The following CDH11 variants were observed in gnomAD, a reference collection of about 807,000 sequenced individuals.
CDH11 encodes the protein cadherin-11.
Under a neutral mutation model 67.8 loss-of-function variants are expected in CDH11, and 11 were observed. The observed-to-expected ratio is 0.16, with a 90% CI of 0.10 to 0.27. The LOEUF (loss-of-function observed/expected upper bound fraction) is 0.27, where lower values mean the gene tolerates loss of function less well. Among genes scored for constraint, CDH11 ranks in the 10% least tolerant of loss-of-function variants. CDH11 has a pLI of 1.00. For synonymous variants in CDH11, 419 were observed against 400.0 expected (o/e 1.05, Z -0.57); for missense variants, 847 against 1,031.2 (o/e 0.82, Z 2.45).
At chr16:65,093,586 T>C (rs2074832156) in intron 1 of CDH11, among the ~76,000 whole-genome samples, 1 of 152,140 alleles carries the variant, frequency 6.6e-6, no homozygotes, top group Non-Finnish European at 1.5e-5. Context: ...CTTCAAACCA[T>C]AGCAGTGTGT....
At chr16:65,036,262 TG>T (rs1450994231) in intron 2 of CDH11, among the ~76,000 whole-genome samples, 1 of 152,168 alleles carries the variant, frequency 6.6e-6, no homozygotes, top group African/African-American at 2.4e-5. Flanking sequence ...GCATGATTAG[TG>T]TAGCCTCTTC....
Position 64,945,855 on chromosome 16 carries a change from G to T in CDH11, c.*1748C>A. ...TTCACAATAAAGTCAGAAAAAAACTGTAAAAATTGTCTGCAATCCAAGAAA... is the reference window on the plus strand; with the variant it reads ...TTCACAATAAAGTCAGAAAAAAACTTTAAAAATTGTCTGCAATCCAAGAAA... On this transcript the variant is annotated 3_prime_UTR_variant, in exon 13 of 13. Transcript: ENST00000268603. The T allele has an allele frequency of 9.5e-7, 1 of 1,054,000 alleles. No homozygotes were observed. The highest frequency in any genetic ancestry group is 4.6e-5 in the South Asian group (1 of 21,886). The allele number at this position is 1,054,000 out of a possible 1,614,324, so 65.3% of individuals were successfully genotyped here. A position where few individuals can be genotyped will look rare whatever the true frequency, so the allele number is the denominator to read the frequency against.
intron 2 of CDH11, among the ~76,000 whole-genome samples, chr16:65,025,432 TC>T (rs1304829491): frequency 1.3e-5 from 2 of 152,148 alleles, no homozygotes; most frequent in Admixed American, 6.5e-5. Flanking sequence ...CTGCTCCGCC[TC>T]CCGGGTTCAA....
rs2073215171 is a variant in CDH11 at position 65,013,068 on chromosome 16, G to A, written c.-172-8027C>T. 2.0e-5 allele frequency among the ~76,000 whole-genome samples: 3 copies of A among 152,300 alleles called. No homozygotes were observed. The South Asian group carries it at 6.2e-4, about 32-fold the overall frequency. On this transcript the variant is annotated intron_variant, in intron 2 of 12. Transcript: ENST00000268603. Reference sequence around the variant, plus strand: ...AAATAGCCTATAAATGGTCTCCCATGCATATCTGCAGGGGCTTGTGAGTCT... The same window carrying A: ...AAATAGCCTATAAATGGTCTCCCATACATATCTGCAGGGGCTTGTGAGTCT...
intron 2 of CDH11, among the ~76,000 whole-genome samples, chr16:65,016,858 G>A (rs1313091654): frequency 6.6e-6 from 1 of 152,136 alleles, no homozygotes; most frequent in African/African-American, 2.4e-5. Flanking sequence ...CTAAACAAAG[G>A]GGGTATCATT....
rs2074610807 is a variant in CDH11 at position 65,081,551 on chromosome 16, T to A, written c.-297-27623A>T. Among the ~76,000 whole-genome samples, 10 of 147,634 alleles carry A rather than the reference T, an allele frequency of 6.8e-5. No homozygotes were observed. In the Admixed American group the frequency reaches 6.8e-4, roughly 10 times the overall value. On this transcript the variant is annotated intron_variant, in intron 1 of 12. Transcript: ENST00000268603. ...GCCACTGCACTCCAGCCTGGGTGAC[T>A]GAACGAGACTCTGTCTCAAAAAAAA...
intron 3 of CDH11, among the ~76,000 whole-genome samples, chr16:64,999,337 A>G (rs2072856656): frequency 6.7e-6 from 1 of 150,362 alleles, no homozygotes; most frequent in African/African-American, 2.5e-5. Flanking sequence ...TATTCTATGC[A>G]TATGCAAGGA....
chr16:64,948,845 A>G (rs750810816), intron 12 of CDH11: 23 of 1,179,996 alleles, frequency 1.9e-5, no homozygotes, highest in Non-Finnish European at 2.7e-5. Flanking sequence ...TTAATTCTTC[A>G]TTGATTCCCT....
chr16:65,074,138 GA>G, intron 1 of CDH11, among the ~76,000 whole-genome samples: 1 of 152,222 alleles, frequency 6.6e-6, no homozygotes, highest in African/African-American at 2.4e-5. Context: ...GCCCTTTGGG[GA>G]GTTCATTTAA....
At chr16:65,067,311 A>G (rs1045415113) in intron 1 of CDH11, among the ~76,000 whole-genome samples, 1 of 152,224 alleles carries the variant, frequency 6.6e-6, no homozygotes, top group Non-Finnish European at 1.5e-5. Flanking sequence ...GCATACAACC[A>G]CAGACAGATG....
intron 1 of CDH11, among the ~76,000 whole-genome samples, chr16:65,075,562 AT>A (rs2142781711): frequency 6.6e-6 from 1 of 152,288 alleles, no homozygotes; most frequent in African/African-American, 2.4e-5. Flanking sequence ...TCTAAGCAGG[AT>A]TTATGATGAT....
intron 11 of CDH11, among the ~76,000 whole-genome samples, chr16:64,959,952 T>G (rs527673330): frequency 6.6e-6 from 1 of 152,352 alleles, no homozygotes; most frequent in South Asian, 2.1e-4. Context: ...CACGCAAACA[T>G]TTTGTTGTTT....
chr16:65,098,664 C>T (rs546586887), intron 1 of CDH11, among the ~76,000 whole-genome samples: 5 of 152,202 alleles, frequency 3.3e-5, no homozygotes, highest in African/African-American at 1.2e-4. Flanking sequence ...CCATGCCCTG[C>T]CTCTGTCTTC....
At chr16:65,023,566 C>T (rs1352908867) in intron 2 of CDH11, among the ~76,000 whole-genome samples, 1 of 152,156 alleles carries the variant, frequency 6.6e-6, no homozygotes, top group African/African-American at 2.4e-5. Context: ...ACTCCATAGG[C>T]AGAGCAGTGG....
At chr16:65,078,295 C>T (rs16968423) in intron 1 of CDH11, among the ~76,000 whole-genome samples, 2,928 of 152,204 alleles carry the variant, frequency 0.019, 107 homozygotes, top group African/African-American at 0.068. Flanking sequence ...CAAATCCCTG[C>T]TAGTGAATGA....
chr16:64,975,738 T>C (rs1289663195), intron 8 of CDH11, among the ~76,000 whole-genome samples: 3 of 152,182 alleles, frequency 2.0e-5, no homozygotes, highest in Admixed American at 1.3e-4. Flanking sequence ...TTTTATAAAG[T>C]TGATTTTCCT....
chr16:65,071,943 C>T (rs1301217352), intron 1 of CDH11: 1 of 152,264 alleles, frequency 6.6e-6, no homozygotes, highest in Non-Finnish European at 1.5e-5. Context: ...GATCTATGCG[C>T]CACCGTTCCC....
intron 2 of CDH11, 53 bp downstream of exon 2, chr16:65,053,751 T>A (rs1842895032): frequency 4.4e-6 from 2 of 450,056 alleles, no homozygotes; most frequent in Non-Finnish European, 9.0e-6. Flanking sequence ...ATACTTTCCA[T>A]CTTGACATAC....
At chr16:65,049,564 T>A (rs949927316) in intron 2 of CDH11, among the ~76,000 whole-genome samples, 1 of 152,124 alleles carries the variant, frequency 6.6e-6, no homozygotes, top group African/African-American at 2.4e-5. Context: ...TCAGAAAATA[T>A]CAATGTCATT....
Sources: allele counts gnomAD v4.1 joint callset (sites outside exome capture counted in the v4.1 genomes callset), GRCh38; gene constraint gnomAD v4.1.1; transcripts MANE v1.5; gene names NCBI Gene and HGNC (gene_info 2026-07-23, HGNC 2026-07-21).